Variants in ATP13A5 observed in about 807,000 individuals in gnomAD.
ATP13A5 encodes ATPase 13A5, also known as probable cation-transporting ATPase 13A5.
ATP13A5 carries 149 observed loss-of-function variants against 150.2 expected under a neutral mutation model. That is an observed-to-expected ratio of 0.99 (90% CI 0.87 to 1.14). The LOEUF (loss-of-function observed/expected upper bound fraction) is 1.14. ATP13A5 is among the 50% of genes most tolerant of loss of function. The pLI is 0.00. For synonymous variants in ATP13A5, 497 were observed against 522.2 expected, an observed-to-expected ratio of 0.95 and a Z score of 0.66; for missense variants, 1,383 against 1,449.3, an observed-to-expected ratio of 0.95 and a Z score of 0.74.
intron 16 of ATP13A5, among the ~76,000 whole-genome samples, chr3:193,319,497 C>T (rs1303763324): frequency 6.6e-6 from 1 of 152,208 alleles, no homozygotes. Context: ...TGTGAGGATA[C>T]AGGAAGAAGG....
chr3:193,282,194 CAATAAT>C (rs999337215), intron 27 of ATP13A5, among the ~76,000 whole-genome samples: 1 of 151,748 alleles, frequency 6.6e-6, no homozygotes, highest in African/African-American at 2.4e-5. Flanking sequence ...GACTCCATCT[CAATAAT>C]AATAATAATT....
At chr3:193,285,166 C>A in intron 26 of ATP13A5, 50 bp from the exon 27 acceptor site, 2 of 1,485,048 alleles carry the variant, frequency 1.3e-6, no homozygotes, top group African/African-American at 1.4e-5. Context: ...CATTTTTGTC[C>A]ATTAGGTGAA....
intron 17 of ATP13A5, among the ~76,000 whole-genome samples, chr3:193,317,497 G>A (rs1194408106): frequency 6.6e-6 from 1 of 152,122 alleles, no homozygotes; most frequent in Non-Finnish European, 1.5e-5. Flanking sequence ...CTGGTGAAGG[G>A]GTGAGCCTTG....
intron 8 of ATP13A5, among the ~76,000 whole-genome samples, chr3:193,344,598 G>T (rs977892782): frequency 4.6e-5 from 7 of 152,170 alleles, no homozygotes; most frequent in Admixed American, 2.0e-4. Flanking sequence ...GTGATGCAGG[G>T]TCTGTTTGGG....
At chr3:193,357,798 G>A (rs941638229) in intron 5 of ATP13A5, among the ~76,000 whole-genome samples, 3 of 152,130 alleles carry the variant, frequency 2.0e-5, no homozygotes, top group Non-Finnish European at 4.4e-5. Flanking sequence ...CCTGTGGAGG[G>A]GATTTCTGCA....
At chr3:193,293,521 A>G (rs1718048142) in intron 25 of ATP13A5, among the ~76,000 whole-genome samples, 1 of 152,006 alleles carries the variant, frequency 6.6e-6, no homozygotes, top group African/African-American at 2.4e-5. Flanking sequence ...CTCATTCCAC[A>G]TTCTGTTTCT....
chr3:193,326,812 C>T (rs542249159), intron 13 of ATP13A5, among the ~76,000 whole-genome samples, 184 bp downstream of exon 13: 40 of 152,310 alleles, frequency 2.6e-4, no homozygotes, highest in Non-Finnish European at 5.6e-4. Context: ...TGAAGACCTA[C>T]TTTTCCTTTC....
chr3:193,280,654 T>G (rs1717447541), intron 27 of ATP13A5, among the ~76,000 whole-genome samples: 2 of 152,180 alleles, frequency 1.3e-5, no homozygotes, highest in African/African-American at 4.8e-5. Flanking sequence ...CTGTTCTTAT[T>G]TCCAACCTCA....
intron 27 of ATP13A5, among the ~76,000 whole-genome samples, chr3:193,281,813 T>G (rs1717508672): frequency 6.6e-6 from 1 of 152,176 alleles, no homozygotes; most frequent in Non-Finnish European, 1.5e-5. Flanking sequence ...TATAGGGGTT[T>G]GAATTTACCC....
intron 5 of ATP13A5, among the ~76,000 whole-genome samples, chr3:193,354,478 A>C: frequency 6.6e-6 from 1 of 152,082 alleles, no homozygotes; most frequent in East Asian, 1.9e-4. Flanking sequence ...AGTTACTTTT[A>C]AAATAATTTT....
intron 1 of ATP13A5, 37 bp downstream of exon 1, chr3:193,378,626 T>C: frequency 6.3e-7 from 1 of 1,579,940 alleles, no homozygotes; most frequent in Non-Finnish European, 8.7e-7. Flanking sequence ...CGCCTTGGGC[T>C]CTTTGAGAAG....
chr3:193,322,795 T>C (rs970624255), intron 14 of ATP13A5, among the ~76,000 whole-genome samples: 2 of 152,234 alleles, frequency 1.3e-5, no homozygotes, highest in Non-Finnish European at 1.5e-5. Flanking sequence ...TGTGAATTCA[T>C]TTTAAGAAGT....
intron 26 of ATP13A5, 62 bp downstream of exon 26, chr3:193,289,823 G>A: frequency 6.9e-7 from 1 of 1,455,748 alleles, no homozygotes; most frequent in Non-Finnish European, 9.2e-7. Flanking sequence ...GCCAAGTTAT[G>A]CAATGTCATT....
At chr3:193,318,339 A>AT (rs1485134180) in intron 17 of ATP13A5, among the ~76,000 whole-genome samples, 2 of 152,178 alleles carry the variant, frequency 1.3e-5, no homozygotes, top group Non-Finnish European at 2.9e-5. Context: ...TTTCCACAGT[A>AT]TTTTTTTACT....
chr3:193,314,253 T>G, intron 18 of ATP13A5, 60 bp from the exon 19 acceptor site: 1 of 1,557,950 alleles, frequency 6.4e-7, no homozygotes, highest in Non-Finnish European at 8.7e-7. Flanking sequence ...CAACAAGAAC[T>G]GAGGTCTCCC....
At chr3:193,343,760 A>T (rs1319974817) in intron 9 of ATP13A5, among the ~76,000 whole-genome samples, 167 bp downstream of exon 9, 1 of 152,100 alleles carries the variant, frequency 6.6e-6, no homozygotes, top group Non-Finnish European at 1.5e-5. Flanking sequence ...ATTGTTAAAC[A>T]TTTCCTGTTT....
chr3:193,280,761 C>G (rs1204594507), intron 27 of ATP13A5, among the ~76,000 whole-genome samples: 1 of 152,092 alleles, frequency 6.6e-6, no homozygotes, highest in Non-Finnish European at 1.5e-5. Flanking sequence ...GCCCAAACAA[C>G]AGCATTTAAT....
Position 193,322,559 on chromosome 3 carries a change from T to G in ATP13A5, c.1690A>C (p.Ile564Leu), listed in dbSNP as rs780295022. ...GTCCCAAATTTGCAGGAGTCTACAA[T>G]GCAATCTTCCATTTTCTGTTATAAA... ...EGTAWKMEDCIVDSCKFGTSV... is the reference protein window; with the variant it reads ...EGTAWKMEDCLVDSCKFGTSV... The change falls in exon 15 of 30, where the codon ATT becomes CTT. Residue 564 changes from isoleucine (I) to leucine (L), a missense_variant. Around this residue, in one of 3 missense-constraint regions of ATP13A5, gnomAD observed 787 missense variants for 771.9 expected, o/e 1.02. Coordinates refer to ENST00000342358, the MANE Select transcript of ATP13A5 (RefSeq NM_198505.4). 2 of 1,611,398 alleles carry G rather than the reference T, an allele frequency of 1.2e-6. No individual in the cohort carries two copies. The highest frequency in any genetic ancestry group is 1.7e-5 in the Admixed American group (1 of 59,928).
At chr3:193,294,472 CT>C (rs1718084511) in intron 25 of ATP13A5, among the ~76,000 whole-genome samples, 1 of 152,074 alleles carries the variant, frequency 6.6e-6, no homozygotes, top group Non-Finnish European at 1.5e-5. Flanking sequence ...ATCAACATCC[CT>C]CCTCACTTCA....
Sources: gnomAD v4.1 joint callset for allele counts (sites outside exome capture counted in the v4.1 genomes callset) on GRCh38, gnomAD v4.1.1 for gene constraint, gnomAD v4.1.1 regional missense constraint, MANE v1.5 for transcripts, NCBI Gene and HGNC (gene_info 2026-07-23, HGNC 2026-07-21) for gene names.